ADGRB3: variants seen among roughly 807,000 people sequenced by gnomAD.
ADGRB3 encodes the protein adhesion G protein-coupled receptor B3, also known as brain-specific angiogenesis inhibitor 3.
In ADGRB3, 37 loss-of-function variants were observed where a neutral mutation model predicts 193.4. That is an observed-to-expected ratio of 0.19 (90% confidence interval 0.15 to 0.25). The LOEUF is 0.25. Ranked by LOEUF, ADGRB3 falls within the 10% of genes least tolerant of loss-of-function variation. The probability of loss-of-function intolerance (pLI) is 1.00; values close to 1 mark genes in which losing one functional copy is unlikely to be tolerated. For missense variants in ADGRB3, 1,637 were observed against 1,852.9 expected (o/e 0.88, Z 2.14); for synonymous variants, 690 against 644.2 (o/e 1.07, Z -1.08).
At chr6:69,268,803 CA>C (rs1395743911) in intron 20 of ADGRB3, among the ~76,000 whole-genome samples, 1 of 152,212 alleles carries the variant, frequency 6.6e-6, no homozygotes, top group African/African-American at 2.4e-5. Context: ...TTGCCCACTC[CA>C]AAATGGGCTG....
chr6:69,100,144 C>T (rs1256915184), intron 17 of ADGRB3, among the ~76,000 whole-genome samples: 1 of 152,070 alleles, frequency 6.6e-6, no homozygotes, highest in Non-Finnish European at 1.5e-5. Context: ...TTAGATGTGC[C>T]CATTTGCAAG....
intron 17 of ADGRB3, among the ~76,000 whole-genome samples, chr6:69,205,781 G>A (rs1254477477): frequency 6.6e-6 from 1 of 151,612 alleles, no homozygotes. Context: ...ACTGAATCAT[G>A]TAATTTTTTT....
At chr6:68,860,413 T>C (rs919900357) in intron 3 of ADGRB3, among the ~76,000 whole-genome samples, 9 of 152,128 alleles carry the variant, frequency 5.9e-5, no homozygotes, top group African/African-American at 2.2e-4. Context: ...GGAGCCCCAG[T>C]GTATATTACT....
chr6:69,247,287 T>G (rs1766519041), intron 20 of ADGRB3, among the ~76,000 whole-genome samples: 1 of 152,168 alleles, frequency 6.6e-6, no homozygotes, highest in African/African-American at 2.4e-5. Flanking sequence ...TAAGTTGACT[T>G]TGTGGGAAAT....
chr6:68,721,988 T>C (rs1198337000), intron 3 of ADGRB3, among the ~76,000 whole-genome samples: 1 of 151,612 alleles, frequency 6.6e-6, no homozygotes. Flanking sequence ...TATGAAACAA[T>C]TTTCTTCATT....
intron 10 of ADGRB3, among the ~76,000 whole-genome samples, chr6:68,976,298 C>A (rs1768745720): frequency 6.6e-6 from 1 of 152,062 alleles, no homozygotes; most frequent in Non-Finnish European, 1.5e-5. Flanking sequence ...AAAAGAAAAG[C>A]ATTTTTTTAA....
intron 31 of ADGRB3, among the ~76,000 whole-genome samples, chr6:69,386,021 C>T (rs1770062258): frequency 6.6e-6 from 1 of 151,998 alleles, no homozygotes; most frequent in South Asian, 2.1e-4. Flanking sequence ...AAAGGGCATC[C>T]ACACATTTGT....
intron 3 of ADGRB3, among the ~76,000 whole-genome samples, chr6:68,922,110 A>G (rs1664771282): frequency 6.6e-6 from 1 of 152,204 alleles, no homozygotes; most frequent in African/African-American, 2.4e-5. Flanking sequence ...TCAATATTTC[A>G]TAAGCCTTTT....
chr6:69,183,281 T>C (rs1764977309), intron 17 of ADGRB3, among the ~76,000 whole-genome samples: 1 of 152,168 alleles, frequency 6.6e-6, no homozygotes. Flanking sequence ...AATGGTAAAA[T>C]CTATAAGTAC....
At chr6:69,055,011 A>C (rs902400621) in intron 15 of ADGRB3, among the ~76,000 whole-genome samples, 1 of 152,190 alleles carries the variant, frequency 6.6e-6, no homozygotes, top group Admixed American at 6.5e-5. Flanking sequence ...ATGGAAAAGG[A>C]CTATAGTAAC....
chr6:69,046,006 C>G (rs1337271722), intron 13 of ADGRB3, among the ~76,000 whole-genome samples: 1 of 152,036 alleles, frequency 6.6e-6, no homozygotes, highest in South Asian at 2.1e-4. Context: ...CATGCATGTA[C>G]AACTATATCA....
chr6:69,177,624 G>A (rs1475083770), intron 17 of ADGRB3, among the ~76,000 whole-genome samples: 1 of 152,172 alleles, frequency 6.6e-6, no homozygotes, highest in African/African-American at 2.4e-5. Flanking sequence ...GGGATTACAG[G>A]TGTGAGCCAC....
chr6:68,954,588 T>C (rs976884936), intron 6 of ADGRB3, among the ~76,000 whole-genome samples: 1 of 152,106 alleles, frequency 6.6e-6, no homozygotes, highest in Non-Finnish European at 1.5e-5. Flanking sequence ...TCATCACAGC[T>C]CAGATCCTTC....
At chr6:68,979,476 A>G (rs1460715926) in intron 10 of ADGRB3, among the ~76,000 whole-genome samples, 1 of 151,496 alleles carries the variant, frequency 6.6e-6, no homozygotes, top group African/African-American at 2.4e-5. Context: ...AAAGTTAGAC[A>G]CTATCATATC....
intron 3 of ADGRB3, among the ~76,000 whole-genome samples, chr6:68,893,675 C>T (rs1029454811): frequency 2.0e-4 from 31 of 151,794 alleles, no homozygotes; most frequent in African/African-American, 6.0e-4. Flanking sequence ...TGAAACAAAG[C>T]GAGCATATTT....
At chr6:68,982,989 A>C (rs1374132974) in intron 10 of ADGRB3, among the ~76,000 whole-genome samples, 1 of 152,134 alleles carries the variant, frequency 6.6e-6, no homozygotes, top group Non-Finnish European at 1.5e-5. Context: ...CTCACTACTT[A>C]CATAGCTCTC....
chr6:68,946,324 A>G (rs1217583325), intron 6 of ADGRB3, among the ~76,000 whole-genome samples: 1 of 152,098 alleles, frequency 6.6e-6, no homozygotes, highest in Non-Finnish European at 1.5e-5. Flanking sequence ...AGGCACCTTC[A>G]CTGGGTATGA....
intron 17 of ADGRB3, among the ~76,000 whole-genome samples, chr6:69,212,810 T>A (rs1383610031): frequency 6.6e-6 from 1 of 152,156 alleles, no homozygotes; most frequent in Non-Finnish European, 1.5e-5. Flanking sequence ...AGAACCAGCT[T>A]TTTATCTTGT....
At chr6:69,280,954 A>G (rs562911526) in intron 20 of ADGRB3, among the ~76,000 whole-genome samples, 1 of 152,336 alleles carries the variant, frequency 6.6e-6, no homozygotes, top group Non-Finnish European at 1.5e-5. Context: ...TTTCTATCAA[A>G]CTAAAATGTC....
Sources: allele counts gnomAD v4.1 joint callset (sites outside exome capture counted in the v4.1 genomes callset), GRCh38; gene constraint gnomAD v4.1.1; transcripts MANE v1.5; gene names NCBI Gene and HGNC (gene_info 2026-07-23, HGNC 2026-07-21).